Variants in GLB1 observed in about 807,000 individuals in gnomAD.
GLB1 encodes galactosidase beta 1.
In GLB1, 56 loss-of-function variants were observed where a neutral mutation model predicts 74.0. The observed-to-expected ratio is 0.76, with a 90% confidence interval of 0.61 to 0.94. GLB1 has a LOEUF of 0.94. Ranked by LOEUF, GLB1 falls within the 40% of genes least tolerant of loss-of-function variation. The pLI is 0.00. For synonymous variants in GLB1, 323 were observed against 323.6 expected, an observed-to-expected ratio of 1.00 and a Z score of 0.02; for missense variants, 787 against 845.5, an observed-to-expected ratio of 0.93 and a Z score of 0.86.
At chr3:33,050,396 A>G (rs1698925466) in intron 9 of GLB1, among the ~76,000 whole-genome samples, 1 of 152,278 alleles carries the variant, frequency 6.6e-6, no homozygotes, top group Non-Finnish European at 1.5e-5. Flanking sequence ...CCAAATGTCC[A>G]TCAACCAATG....
At chr3:33,062,715 G>A (rs34629244) in intron 5 of GLB1, among the ~76,000 whole-genome samples, 14,260 of 152,170 alleles carry the variant, frequency 0.094, 792 homozygotes, top group Non-Finnish European at 0.12. Flanking sequence ...TTGAACCCAG[G>A]AGGTGGAGGT....
In GLB1 at chr3:33,044,399, A is replaced by G. The variant is rs1656290527; in HGVS notation, c.1068+1721T>C. ...ATCAAAACTTACGAGATAAAGCCAC[A>G]GCAGTACTTGAAGGAAATTTATAAC... On this transcript the variant is annotated intron_variant, in intron 10 of 15. Transcript: ENST00000307363. 2.0e-5 allele frequency among the ~76,000 whole-genome samples: 3 copies of G among 152,220 alleles called. No individual in the cohort carries two copies. In the South Asian group the frequency reaches 6.2e-4, roughly 32 times the overall value.
chr3:33,070,767 T>C (rs938983879), intron 2 of GLB1, among the ~76,000 whole-genome samples: 1 of 152,150 alleles, frequency 6.6e-6, no homozygotes, highest in Non-Finnish European at 1.5e-5. Context: ...GAGGATCACC[T>C]GAGCCCACTT....
chr3:32,971,677 G>A, the GLB1 span, among the ~76,000 whole-genome samples: 1 of 152,210 alleles, frequency 6.6e-6, no homozygotes, highest in Non-Finnish European at 1.5e-5. Flanking sequence ...GGCAGTAGGA[G>A]AAACAACCTG....
chr3:33,005,793 C>T lies in GLB1; in HGVS notation c.1734+8263G>A, dbSNP rs562661300. ...TTACAGGTGTGAGCCATCGCGTCGG[C>T]CAGGAAATTTCAAAAGCAAGATGCA... On this transcript the variant is annotated intron_variant, in intron 15 of 15. Transcript: ENST00000307363. Among the ~76,000 whole-genome samples, 191 of 152,178 alleles carry T rather than the reference C, an allele frequency of 1.3e-3. 1 individual carries two copies. Among genetic ancestry groups the T allele is most frequent in the Non-Finnish European group, 2.2e-3 (152 of 68,012 alleles).
rs776131111 is a variant in GLB1, at chr3:33,046,113, C to T, written c.1068+7G>A. ...TCAGCCCACCACAGCTCATACAAAG[C>T]ACCCACCTTCTGGATGATGTTTCGC... On this transcript the variant is annotated splice_region_variant and intron_variant, in intron 10 of 15. Coordinates refer to ENST00000307363, the MANE Select transcript of GLB1 (RefSeq NM_000404.4). The T allele has an allele frequency of 3.1e-6, 5 of 1,612,132 alleles. No individual in the cohort carries two copies. Among genetic ancestry groups the T allele is most frequent in the South Asian group, 1.1e-5 (1 of 90,972 alleles).
chr3:32,986,789 C>T, the GLB1 span, among the ~76,000 whole-genome samples: 1 of 152,076 alleles, frequency 6.6e-6, no homozygotes, highest in Non-Finnish European at 1.5e-5. Context: ...CAGGGTTTCA[C>T]CATGTTGGTC....
intron 10 of GLB1, among the ~76,000 whole-genome samples, chr3:33,036,884 T>C (rs1698300830): frequency 1.3e-5 from 2 of 152,140 alleles, no homozygotes; most frequent in South Asian, 2.1e-4. Context: ...TGGGGAGCTA[T>C]TGCTTCATGG....
Position 33,093,130 on chromosome 3 carries a change from C to G in GLB1, c.75+3881G>C, listed in dbSNP as rs1700841005. ...ATTGTGTGGTCTGGGCTGCAGCCCT[C>G]CAGGGCCTTGTCAAGATCCATGCCA... On this transcript the variant is annotated intron_variant, in intron 1 of 15. Coordinates refer to ENST00000307363, the MANE Select transcript of GLB1 (RefSeq NM_000404.4). The surrounding 1 kb of genome is among the most constrained non-coding windows in gnomAD (Gnocchi z 6.0). 1.2e-6 allele frequency: 2 copies of G among 1,614,178 alleles called. No homozygotes were observed. The highest frequency in any genetic ancestry group is 1.7e-6 in the Non-Finnish European group (2 of 1,180,038).
At chr3:33,059,001 G>T (rs1056531138) in intron 5 of GLB1, among the ~76,000 whole-genome samples, 1 of 152,186 alleles carries the variant, frequency 6.6e-6, no homozygotes, top group African/African-American at 2.4e-5. Context: ...GTTTGAGGTT[G>T]TCATACCTCG....
intron 3 of GLB1, 150 bp downstream of exon 3, chr3:33,068,670 G>T (rs1699782971): frequency 2.1e-6 from 3 of 1,458,532 alleles, no homozygotes; most frequent in Non-Finnish European, 2.8e-6. Flanking sequence ...CTCTGCCTGG[G>T]CACCTTGTCA....
intron 1 of GLB1, among the ~76,000 whole-genome samples, chr3:33,084,866 A>G (rs1235142767): frequency 1.3e-5 from 2 of 152,246 alleles, no homozygotes; most frequent in African/African-American, 4.8e-5. Context: ...AACTGCATTC[A>G]GTAGACTTCA....
chr3:33,067,972 G>A (rs1371988141), intron 4 of GLB1, among the ~76,000 whole-genome samples: 3 of 152,162 alleles, frequency 2.0e-5, no homozygotes, highest in East Asian at 3.9e-4. Flanking sequence ...TGCAACTTCC[G>A]CCTCCAGGGT....
intron 10 of GLB1, 87 bp from the exon 11 acceptor site, chr3:33,024,412 A>G: frequency 7.0e-7 from 1 of 1,421,696 alleles, no homozygotes; most frequent in African/African-American, 1.4e-5. Context: ...ATTTGAAAGC[A>G]AGGTCAAAGA....
intron 1 of GLB1, among the ~76,000 whole-genome samples, chr3:33,089,728 T>C (rs1005207845): frequency 2.0e-5 from 3 of 152,138 alleles, no homozygotes; most frequent in Admixed American, 6.5e-5. Context: ...GAAAGTAGAA[T>C]TGTGGTCACC....
chr3:33,026,457 G>A (rs746142983), intron 10 of GLB1, among the ~76,000 whole-genome samples: 5 of 152,196 alleles, frequency 3.3e-5, no homozygotes, highest in African/African-American at 9.6e-5. Context: ...CAAACAGCCC[G>A]GGCGCCATGA....
chr3:33,093,528 C>T lies in GLB1; in HGVS notation c.75+3483G>A. 3.7e-6 allele frequency: 6 copies of T among 1,614,228 alleles called. No homozygotes were observed. The highest frequency in any genetic ancestry group is 5.1e-6 in the Non-Finnish European group (6 of 1,180,048). Reference sequence around the variant, plus strand: ...CCTCACAAACATTTCCATCTTGGTCCTGCCCACTGTGGGGCCCAAGTGAAT... The same window carrying T: ...CCTCACAAACATTTCCATCTTGGTCTTGCCCACTGTGGGGCCCAAGTGAAT... On this transcript the variant is annotated intron_variant, in intron 1 of 15. Coordinates refer to ENST00000307363, the MANE Select transcript of GLB1 (RefSeq NM_000404.4). This position sits in a 1 kb window ranked among gnomAD's most constrained non-coding sequence, Gnocchi z 6.0.
chr3:33,077,071 AT>A, intron 1 of GLB1: 1 of 1,333,356 alleles, frequency 7.5e-7, no homozygotes, highest in African/African-American at 1.5e-5. Context: ...AAAAAAAAAA[AT>A]TAAAATTAGT....
At chr3:33,044,342 T>C (rs1160184292) in intron 10 of GLB1, among the ~76,000 whole-genome samples, 1 of 151,976 alleles carries the variant, frequency 6.6e-6, no homozygotes, top group Admixed American at 6.6e-5. Context: ...AATAGATATG[T>C]TTAGAAGCAA....
Sources: gnomAD v4.1 joint callset for allele counts (sites outside exome capture counted in the v4.1 genomes callset) on GRCh38, gnomAD v4.1.1 for gene constraint, Gnocchi (gnomAD v3.1) non-coding constraint, MANE v1.5 for transcripts, NCBI Gene and HGNC (gene_info 2026-07-23, HGNC 2026-07-21) for gene names.